Variants in FAF1 observed in about 807,000 individuals in gnomAD.
FAF1 encodes Fas associated factor 1, also known as FAS-associated factor 1.
In FAF1, 25 loss-of-function variants were observed where a neutral mutation model predicts 92.5. That is an observed-to-expected ratio of 0.27 (90% CI 0.20 to 0.38). The LOEUF is 0.38. Ranked by LOEUF, FAF1 falls within the 10% of genes least tolerant of loss-of-function variation. The probability of loss-of-function intolerance (pLI) is 1.00; values close to 1 mark genes in which losing one functional copy is unlikely to be tolerated. For missense variants in FAF1, 636 were observed against 793.3 expected (o/e 0.80, Z 2.38); for synonymous variants, 234 against 273.2 (o/e 0.86, Z 1.42).
chr1:50,820,935 A>C (rs887020851), intron 2 of FAF1, among the ~76,000 whole-genome samples: 2 of 152,138 alleles, frequency 1.3e-5, no homozygotes, highest in Non-Finnish European at 2.9e-5. Context: ...TATGTTAGCT[A>C]ATGTGAATAA....
intron 8 of FAF1, among the ~76,000 whole-genome samples, chr1:50,636,253 T>A (rs910825377): frequency 6.6e-6 from 1 of 152,156 alleles, no homozygotes; most frequent in African/African-American, 2.4e-5. Context: ...ACCACTAGTA[T>A]AATTTTCAAA....
intron 2 of FAF1, among the ~76,000 whole-genome samples, chr1:50,855,899 A>C (rs1417023574): frequency 1.3e-5 from 2 of 151,860 alleles, no homozygotes; most frequent in Non-Finnish European, 2.9e-5. Context: ...CACAAATATA[A>C]CACCAGTGTT....
At chr1:50,523,603 T>A (rs907107082) in intron 15 of FAF1, among the ~76,000 whole-genome samples, 8 of 152,220 alleles carry the variant, frequency 5.3e-5, no homozygotes, top group African/African-American at 1.9e-4. Flanking sequence ...ATTTTTTAAT[T>A]GAATTGTTTA....
Position 50,438,879 on chromosome 1 carries a change from T to C in FAF1, c.*2561A>G, listed in dbSNP as rs565776194. ...CTTACAATCCAGAGATGAACATCTGTGTGTGCTATAAAACTAGTAGTGCCA... is the reference window on the plus strand; with the variant it reads ...CTTACAATCCAGAGATGAACATCTGCGTGTGCTATAAAACTAGTAGTGCCA... On this transcript the variant is annotated 3_prime_UTR_variant, in exon 19 of 19. Transcript: ENST00000396153. 2.6e-5 allele frequency: 4 copies of C among 152,350 alleles called. No homozygotes were observed. The highest frequency in any genetic ancestry group is 9.6e-5 in the African/African-American group (4 of 41,590). The allele number at this position is 152,350 out of a possible 1,614,324, so 9.4% of individuals were successfully genotyped here.
chr1:50,798,705 A>T (rs751456664), intron 3 of FAF1, among the ~76,000 whole-genome samples: 2 of 152,230 alleles, frequency 1.3e-5, no homozygotes, highest in Non-Finnish European at 2.9e-5. Context: ...AGGCTGTATC[A>T]TCTGGGCCAA....
chr1:50,817,572 G>A (rs1643990788), intron 2 of FAF1, among the ~76,000 whole-genome samples: 1 of 152,188 alleles, frequency 6.6e-6, no homozygotes, highest in South Asian at 2.1e-4. Context: ...AGTGATGGTT[G>A]CATAAAATTA....
intron 1 of FAF1, among the ~76,000 whole-genome samples, chr1:50,919,470 C>T (rs1346223985): frequency 6.6e-6 from 1 of 151,658 alleles, no homozygotes; most frequent in East Asian, 1.9e-4. Flanking sequence ...ATAAAGGCTG[C>T]CGGGGGGTAA....
intron 17 of FAF1, among the ~76,000 whole-genome samples, chr1:50,490,193 C>G (rs907071434): frequency 6.6e-6 from 1 of 152,056 alleles, no homozygotes; most frequent in Non-Finnish European, 1.5e-5. Flanking sequence ...AACCCTGTCT[C>G]TACTAAAAAT....
chr1:50,485,683 A>AAC (rs1646758323), intron 17 of FAF1, among the ~76,000 whole-genome samples: 1 of 144,368 alleles, frequency 6.9e-6, no homozygotes, highest in African/African-American at 2.5e-5. Context: ...AAAAAAAAAA[A>AAC]AAAAAAAAAA....
chr1:50,813,329 A>G (rs1262309213), intron 2 of FAF1, among the ~76,000 whole-genome samples: 4 of 152,214 alleles, frequency 2.6e-5, no homozygotes, highest in African/African-American at 9.6e-5. Context: ...GAAAAGTATA[A>G]AGAAGAAAAT....
intron 1 of FAF1, among the ~76,000 whole-genome samples, chr1:50,885,312 T>TCACACACACACACACACACACACA (rs376434464): frequency 3.3e-4 from 45 of 137,316 alleles, no homozygotes; most frequent in Non-Finnish European, 4.9e-4. Context: ...TCTCTCTCTC[T>TCACACACACACACACACACACACA]CACACACACA....
intron 15 of FAF1, among the ~76,000 whole-genome samples, chr1:50,527,868 CCTCTCTCTCT>C (rs1332650562): frequency 1.7e-5 from 1 of 57,198 alleles, no homozygotes; most frequent in African/African-American, 1.1e-4. Flanking sequence ...TCCCTCTCTC[CCTCTCTCTCT>C]CTCTCTCTCT....
At chr1:50,669,911 C>T (rs953967546) in intron 7 of FAF1, among the ~76,000 whole-genome samples, 2 of 152,058 alleles carry the variant, frequency 1.3e-5, no homozygotes, top group African/African-American at 2.4e-5. Flanking sequence ...CACTTGAGGT[C>T]GGGAGTTCGA....
At chr1:50,515,947 T>TA (rs748450030) in intron 15 of FAF1, among the ~76,000 whole-genome samples, 71 of 152,278 alleles carry the variant, frequency 4.7e-4, no homozygotes, top group Non-Finnish European at 8.1e-4. Flanking sequence ...CTTCCAAACT[T>TA]AGTTTATATT....
At chr1:50,630,633 G>A (rs1167671654) in intron 8 of FAF1, among the ~76,000 whole-genome samples, 2 of 152,022 alleles carry the variant, frequency 1.3e-5, no homozygotes, top group Non-Finnish European at 2.9e-5. Context: ...CTGAGGGAAT[G>A]ACATAATATT....
intron 2 of FAF1, among the ~76,000 whole-genome samples, chr1:50,819,728 T>C (rs1321290839): frequency 0.013 from 160 of 12,390 alleles, 12 homozygotes; most frequent in Admixed American, 0.035. Context: ...TATATATATA[T>C]ACATATATAT....
chr1:50,769,746 C>A (rs1423086816), intron 4 of FAF1, among the ~76,000 whole-genome samples: 1 of 152,122 alleles, frequency 6.6e-6, no homozygotes, highest in Non-Finnish European at 1.5e-5. Context: ...ATTCAACATG[C>A]TTCACGTTAA....
intron 18 of FAF1, among the ~76,000 whole-genome samples, chr1:50,446,992 T>TTTTTTTTTTTTTTTTTTTTTTTTG (rs1318855123): frequency 6.6e-6 from 1 of 151,688 alleles, no homozygotes; most frequent in Non-Finnish European, 1.5e-5. Flanking sequence ...ATAATTTTCA[T>TTTTTTTTTTTTTTTTTTTTTTTTG]AGTAACTCCC....
At chr1:50,919,893 GA>G (rs2124731493) in intron 1 of FAF1, among the ~76,000 whole-genome samples, 1 of 152,310 alleles carries the variant, frequency 6.6e-6, no homozygotes, top group Non-Finnish European at 1.5e-5. Context: ...AGAAATGTAA[GA>G]AGTATAGCAA....
Sources: allele counts gnomAD v4.1 joint callset (sites outside exome capture counted in the v4.1 genomes callset), GRCh38; gene constraint gnomAD v4.1.1; transcripts MANE v1.5; gene names NCBI Gene and HGNC (gene_info 2026-07-23, HGNC 2026-07-21).